PRTG: variants seen among roughly 807,000 people sequenced by gnomAD.
PRTG encodes the protein protogenin.
A neutral mutation model predicts 122.5 loss-of-function variants in PRTG; 67 were observed. The ratio of observed to expected loss-of-function variants is 0.55; its 90% confidence interval spans 0.45 to 0.67. The LOEUF (loss-of-function observed/expected upper bound fraction) is 0.67, where lower values mean the gene tolerates loss of function less well. PRTG is among the 30% of genes least tolerant of loss of function. The pLI is 0.00. For synonymous variants in PRTG, 554 were observed against 501.1 expected, an observed-to-expected ratio of 1.11 and a Z score of -1.41; for missense variants, 1,435 against 1,415.4, an observed-to-expected ratio of 1.01 and a Z score of -0.22.
At chr15:55,632,328 TAC>T (rs1198623136) in intron 15 of PRTG, among the ~76,000 whole-genome samples, 1 of 152,158 alleles carries the variant, frequency 6.6e-6, no homozygotes, top group Non-Finnish European at 1.5e-5. Context: ...CTTTCACCAT[TAC>T]CACTCCTGTC....
chr15:55,680,606 G>T lies in PRTG; in HGVS notation c.699C>A (p.His233Gln), dbSNP rs551036897. Residue 233 changes from histidine to glutamine, a missense_variant, in exon 5 of 20, where the codon CAC (histidine) becomes CAA (glutamine). Coordinates refer to ENST00000389286, the MANE Select transcript of PRTG (RefSeq NM_173814.6). ...VIPAKESKSF[H>Q]TPTIIAGPQN... ...GTGGACCTGCTATAATTGTTGGTGT[G>T]TGGAAGGATTTTGACTCCTTAGCTT... 3.5e-5 allele frequency: 54 copies of T among 1,553,434 alleles called. No individual in the cohort carries two copies. In the East Asian group the frequency reaches 7.4e-4, roughly 21 times the overall value.
intron 2 of PRTG, among the ~76,000 whole-genome samples, chr15:55,725,523 G>C (rs1354352546): frequency 2.0e-5 from 3 of 151,864 alleles, no homozygotes; most frequent in African/African-American, 2.4e-5. Context: ...TGAGCCTGGG[G>C]AGGTTGAGGA....
At chr15:55,694,490 G>GA (rs1191083437) in intron 2 of PRTG, among the ~76,000 whole-genome samples, 10 of 151,864 alleles carry the variant, frequency 6.6e-5, no homozygotes, top group African/African-American at 2.4e-4. Context: ...GAAATTACAA[G>GA]AAAAAACTTG....
chr15:55,620,322 C>T, intron 19 of PRTG, 56 bp from the exon 20 acceptor site: 1 of 1,585,752 alleles, frequency 6.3e-7, no homozygotes, highest in Non-Finnish European at 8.6e-7. Flanking sequence ...AATCCACGAG[C>T]AAAAGCTCAT....
chr15:55,636,239 TC>T (rs2059257027), intron 15 of PRTG, among the ~76,000 whole-genome samples: 1 of 152,148 alleles, frequency 6.6e-6, no homozygotes, highest in African/African-American at 2.4e-5. Flanking sequence ...AATTCCGTGT[TC>T]TTAAGCCCTA....
intron 10 of PRTG, 140 bp from the exon 11 acceptor site, chr15:55,672,773 A>G: frequency 1.9e-6 from 1 of 535,276 alleles, no homozygotes; most frequent in Non-Finnish European, 3.2e-6. Context: ...CTAACTTTCC[A>G]AATTTCACAA....
At chr15:55,638,880 C>A (rs552207252) in intron 13 of PRTG, among the ~76,000 whole-genome samples, 1 of 152,334 alleles carries the variant, frequency 6.6e-6, no homozygotes, top group Non-Finnish European at 1.5e-5. Flanking sequence ...AATAAGCCTA[C>A]TAGTTGCCTC....
Position 55,677,901 on chromosome 15 carries a change from T to G in PRTG, c.1277A>C (p.His426Pro), listed in dbSNP as rs759228787. 3 of 1,613,954 alleles carry G rather than the reference T, an allele frequency of 1.9e-6. No individual in the cohort carries two copies. The highest frequency in any genetic ancestry group is 1.3e-5 in the African/African-American group (1 of 75,030). The part of the protein sequence containing the change: ...EDRPSAPYNV[H>P]AETMSSSAIL... ...GGCTGAGCTTGACATGGTTTCAGCATGTACATTATAGGGAGCACTGGGTCT... is the reference window on the plus strand; with the variant it reads ...GGCTGAGCTTGACATGGTTTCAGCAGGTACATTATAGGGAGCACTGGGTCT... The change falls in exon 8 of 20, where the codon CAT (histidine) becomes CCT (proline). Residue 426 changes from histidine (H) to proline (P), a missense_variant. Transcript: ENST00000389286.
chr15:55,656,281 C>A, intron 11 of PRTG: 1 of 448,232 alleles, frequency 2.2e-6, no homozygotes. Context: ...CCAAGGATGG[C>A]ATTTCCAGTT....
In PRTG at chr15:55,619,927, A is replaced by C; in HGVS notation, c.*85T>G. The C allele has an allele frequency of 1.3e-6, 2 of 1,565,844 alleles. No individual in the cohort carries two copies. The highest frequency in any genetic ancestry group is 1.7e-6 in the Non-Finnish European group (2 of 1,156,810). On this transcript the variant is annotated 3_prime_UTR_variant, in exon 20 of 20. Coordinates refer to ENST00000389286, the MANE Select transcript of PRTG (RefSeq NM_173814.6). ...ATGGCGGCTGCAGAACTAAGGAGGA[A>C]GTCTGCTCACTAACAGATGACACAG... is the stretch of plus-strand genomic sequence containing the variant.
At chr15:55,650,538 G>T (rs2059347938) in intron 11 of PRTG, among the ~76,000 whole-genome samples, 1 of 152,174 alleles carries the variant, frequency 6.6e-6, no homozygotes, top group African/African-American at 2.4e-5. Context: ...TATTTTATGG[G>T]GGAGGGTCAC....
In PRTG at chr15:55,615,119, C is replaced by T. The variant is rs1251750409; in HGVS notation, c.*4893G>A. 1 of 151,982 alleles carries T rather than the reference C, an allele frequency of 6.6e-6. No individual in the cohort carries two copies. The highest frequency in any genetic ancestry group is 1.5e-5 in the Non-Finnish European group (1 of 67,954). The allele number at this position is 151,982 out of a possible 1,614,324, so 9.4% of individuals were successfully genotyped here. A position where few individuals can be genotyped will look rare whatever the true frequency, so the allele number is the denominator to read the frequency against. ...TAACGGAAGGAGCTTCAGAGAGATG[C>T]TACATGGCTGGCTTTGAAGATGGAA... On this transcript the variant is annotated 3_prime_UTR_variant, in exon 20 of 20. Transcript: ENST00000389286.
intron 2 of PRTG, among the ~76,000 whole-genome samples, chr15:55,736,481 G>A (rs962395422): frequency 6.6e-6 from 1 of 151,208 alleles, no homozygotes; most frequent in African/African-American, 2.4e-5. Flanking sequence ...TTTTTAATAC[G>A]CAAGCCTCAC....
At chr15:55,693,325 G>A (rs1480050966) in intron 2 of PRTG, among the ~76,000 whole-genome samples, 1 of 152,094 alleles carries the variant, frequency 6.6e-6, no homozygotes, top group Non-Finnish European at 1.5e-5. Context: ...GCGTGGCGGC[G>A]CATGCCTGCA....
chr15:55,681,484 A>G (rs1730079807), intron 4 of PRTG: 1 of 152,126 alleles, frequency 6.6e-6, no homozygotes, highest in Admixed American at 6.5e-5. Flanking sequence ...ATTTCTTTAT[A>G]TGCATCTCTC....
rs78434923 is a variant in PRTG, at chr15:55,694,492, A to C, written c.398-10561T>G. ...TGCCCTAAACCTGGAAATTACAAGA[A>C]AAAACTTGAATGAAACCACTGTGCA... On this transcript the variant is annotated intron_variant, in intron 2 of 19. Coordinates refer to ENST00000389286, the MANE Select transcript of PRTG (RefSeq NM_173814.6). Among the ~76,000 whole-genome samples, 395 of 152,310 alleles carry C rather than the reference A, an allele frequency of 2.6e-3. 1 individual carries two copies. The highest frequency in any genetic ancestry group is 4.3e-3 in the Non-Finnish European group (291 of 68,030).
At chr15:55,640,992 C>G (rs1567079639) in intron 12 of PRTG, 121 bp downstream of exon 12, 1 of 711,000 alleles carries the variant, frequency 1.4e-6, no homozygotes, top group Non-Finnish European at 2.4e-6. Flanking sequence ...CTATACAGCA[C>G]AGAGGATAGA....
intron 2 of PRTG, among the ~76,000 whole-genome samples, chr15:55,700,768 C>G (rs560636324): frequency 6.6e-6 from 1 of 152,160 alleles, no homozygotes; most frequent in Admixed American, 6.5e-5. Flanking sequence ...GCAACGGAGA[C>G]TCTGTCTCTA....
intron 3 of PRTG, among the ~76,000 whole-genome samples, chr15:55,683,532 G>T (rs1053246179): frequency 1.3e-5 from 2 of 152,142 alleles, no homozygotes; most frequent in Non-Finnish European, 2.9e-5. Context: ...AGATAGTCAT[G>T]GTTAGAACAG....
Sources: gnomAD v4.1 joint callset for allele counts (sites outside exome capture counted in the v4.1 genomes callset) on GRCh38, gnomAD v4.1.1 for gene constraint, MANE v1.5 for transcripts, NCBI Gene and HGNC (gene_info 2026-07-23, HGNC 2026-07-21) for gene names.